CDKAL1: variants seen among roughly 807,000 people sequenced by gnomAD.
The protein encoded by CDKAL1 is threonylcarbamoyladenosine tRNA methylthiotransferase.
A neutral mutation model predicts 68.2 loss-of-function variants in CDKAL1; 32 were observed. The observed-to-expected ratio is 0.47, with a 90% CI of 0.35 to 0.63. CDKAL1 has a LOEUF of 0.63. Ranked by LOEUF, CDKAL1 falls within the 30% of genes least tolerant of loss-of-function variation. The pLI is 0.00. For missense variants in CDKAL1, 606 were observed against 696.7 expected (o/e 0.87, Z 1.47); for synonymous variants, 234 against 244.3 (o/e 0.96, Z 0.39).
intron 4 of CDKAL1, among the ~76,000 whole-genome samples, chr6:20,642,742 C>A (rs1223549050): frequency 6.6e-6 from 1 of 152,132 alleles, no homozygotes; most frequent in Admixed American, 6.5e-5. Flanking sequence ...TATCCTCTGA[C>A]CCCACATTCC....
chr6:20,613,526 C>T (rs1450958944), intron 4 of CDKAL1, among the ~76,000 whole-genome samples: 4 of 150,928 alleles, frequency 2.7e-5, no homozygotes, highest in South Asian at 2.1e-4. Context: ...CTGCCCTCCT[C>T]GGCCTTCCGA....
At chr6:21,142,966 A>G (rs1416994198) in intron 13 of CDKAL1, among the ~76,000 whole-genome samples, 1 of 152,216 alleles carries the variant, frequency 6.6e-6, no homozygotes, top group Non-Finnish European at 1.5e-5. Flanking sequence ...GTGTAGAAAA[A>G]AATCCTGCCA....
intron 6 of CDKAL1, among the ~76,000 whole-genome samples, chr6:20,758,324 A>C (rs1343316425): frequency 6.6e-6 from 1 of 152,168 alleles, no homozygotes; most frequent in East Asian, 1.9e-4. Flanking sequence ...GTATATGTTG[A>C]TAGGCTATCC....
chr6:20,712,359 ACAGGAATTAGT>A (rs1303037432), intron 5 of CDKAL1, among the ~76,000 whole-genome samples: 1 of 152,152 alleles, frequency 6.6e-6, no homozygotes, highest in Non-Finnish European at 1.5e-5. Context: ...TGGAAACCAG[ACAGGAATTAGT>A]CATGAGCAGC....
chr6:21,174,704 T>C (rs1377648288), intron 13 of CDKAL1, among the ~76,000 whole-genome samples: 1 of 150,734 alleles, frequency 6.6e-6, no homozygotes, highest in Non-Finnish European at 1.5e-5. Flanking sequence ...AAAAAACACA[T>C]TGATAAGGCC....
At chr6:21,018,065 G>A (rs1662139639) in intron 11 of CDKAL1, among the ~76,000 whole-genome samples, 1 of 152,078 alleles carries the variant, frequency 6.6e-6, no homozygotes, top group Non-Finnish European at 1.5e-5. Context: ...TGCCAGCAGG[G>A]GTCAATCAGG....
In CDKAL1 at chr6:20,588,898, A is replaced by G. The variant is rs946329182; in HGVS notation, c.286+40193A>G. On this transcript the variant is annotated intron_variant, in intron 4 of 15. Coordinates refer to ENST00000274695, the MANE Select transcript of CDKAL1 (RefSeq NM_017774.3). ...TATGTCTCCAGCCTAGCTACCATCCATTTCTGTTTTATAGGATTATATACT... is the reference window on the plus strand; with the variant it reads ...TATGTCTCCAGCCTAGCTACCATCCGTTTCTGTTTTATAGGATTATATACT... 2.6e-5 allele frequency among the ~76,000 whole-genome samples: 4 copies of G among 151,656 alleles called. No homozygotes were observed. In the East Asian group the frequency reaches 7.7e-4, roughly 29 times the overall value.
At chr6:21,030,180 G>C (rs1261898452) in intron 11 of CDKAL1, among the ~76,000 whole-genome samples, 1 of 152,120 alleles carries the variant, frequency 6.6e-6, no homozygotes, top group African/African-American at 2.4e-5. Context: ...TCTTTGCAGC[G>C]ACATAGATGA....
chr6:21,157,616 A>G (rs1776708687), intron 13 of CDKAL1, among the ~76,000 whole-genome samples: 1 of 152,162 alleles, frequency 6.6e-6, no homozygotes, highest in African/African-American at 2.4e-5. Flanking sequence ...AATGAAAGCA[A>G]CCTCTTTGTT....
intron 12 of CDKAL1, among the ~76,000 whole-genome samples, chr6:21,089,707 G>T (rs1004993701): frequency 6.6e-6 from 1 of 152,144 alleles, no homozygotes; most frequent in Non-Finnish European, 1.5e-5. Flanking sequence ...AAACAAAAAG[G>T]AACACCTTAC....
At chr6:20,837,398 A>G (rs1777992542) in intron 8 of CDKAL1, among the ~76,000 whole-genome samples, 1 of 152,138 alleles carries the variant, frequency 6.6e-6, no homozygotes, top group Non-Finnish European at 1.5e-5. Context: ...ATTAGCCTCA[A>G]CCACTGTTTC....
chr6:20,958,125 A>T (rs1010352730), intron 10 of CDKAL1, among the ~76,000 whole-genome samples: 7 of 152,204 alleles, frequency 4.6e-5, no homozygotes, highest in African/African-American at 1.4e-4. Context: ...TGTTCCCCAC[A>T]GAAAGCCACC....
chr6:20,742,100 G>A (rs1773484568), intron 6 of CDKAL1, among the ~76,000 whole-genome samples: 1 of 152,000 alleles, frequency 6.6e-6, no homozygotes, highest in Non-Finnish European at 1.5e-5. Context: ...TTAGCCGCGT[G>A]TATGTCTTCT....
intron 13 of CDKAL1, among the ~76,000 whole-genome samples, chr6:21,195,852 A>C (rs1406772926): frequency 2.0e-5 from 3 of 152,098 alleles, no homozygotes. Context: ...GACTGGGGAC[A>C]CAAATAGGAT....
chr6:21,110,030 C>T (rs890250689), intron 13 of CDKAL1, among the ~76,000 whole-genome samples: 2 of 152,176 alleles, frequency 1.3e-5, no homozygotes, highest in Non-Finnish European at 2.9e-5. Context: ...ATTATTTTGG[C>T]TTCCCTTCAT....
chr6:20,897,588 T>C lies in CDKAL1; in HGVS notation c.742+51410T>C, dbSNP rs952034704. The stretch of plus-strand genomic sequence containing the variant: ...AATAGCTCTAATTTTGTATCTTTTT[T>C]CCACCAATCTTCAGTTATATATTCA... On this transcript the variant is annotated intron_variant, in intron 9 of 15. Coordinates refer to ENST00000274695, the MANE Select transcript of CDKAL1 (RefSeq NM_017774.3). Among the ~76,000 whole-genome samples the C allele has an allele frequency of 1.4e-4, 21 of 152,302 alleles. No individual in the cohort carries two copies. The East Asian group carries it at 3.9e-3, about 28-fold the overall frequency.
chr6:20,781,947 C>T (rs1775451022), intron 8 of CDKAL1, among the ~76,000 whole-genome samples: 1 of 152,284 alleles, frequency 6.6e-6, no homozygotes, highest in East Asian at 1.9e-4. Flanking sequence ...CCCGTACAAC[C>T]ACATCTCATT....
chr6:21,230,772 C>T, intron 15 of CDKAL1, 76 bp from the exon 16 acceptor site: 1 of 1,166,660 alleles, frequency 8.6e-7, no homozygotes, highest in Non-Finnish European at 1.2e-6. Flanking sequence ...TTCTGGAACC[C>T]ATTGCTTGAT....
At chr6:20,790,287 A>T (rs1045418283) in intron 8 of CDKAL1, among the ~76,000 whole-genome samples, 1 of 152,180 alleles carries the variant, frequency 6.6e-6, no homozygotes, top group Non-Finnish European at 1.5e-5. Context: ...CATGGAAAGT[A>T]ATATTTAGGC....
Sources: allele counts gnomAD v4.1 joint callset (sites outside exome capture counted in the v4.1 genomes callset), GRCh38; gene constraint gnomAD v4.1.1; transcripts MANE v1.5; gene names NCBI Gene and HGNC (gene_info 2026-07-23, HGNC 2026-07-21).